The following LAMA3 variants were observed in gnomAD, a reference collection of about 807,000 sequenced individuals.
The protein encoded by LAMA3 is laminin subunit alpha-3.
A neutral mutation model predicts 402.0 loss-of-function variants in LAMA3; 281 were observed. That is an observed-to-expected ratio of 0.70 (90% CI 0.63 to 0.77). LAMA3 has a LOEUF of 0.77. Ranked by LOEUF, LAMA3 falls within the 30% of genes least tolerant of loss-of-function variation. LAMA3 has a pLI of 0.00. For synonymous variants in LAMA3, 1,431 were observed against 1,558.4 expected (o/e 0.92, Z 1.93); for missense variants, 3,840 against 4,215.5 (o/e 0.91, Z 2.47).
chr18:23,834,880 T>C (rs955042157), intron 24 of LAMA3: 2 of 152,224 alleles, frequency 1.3e-5, no homozygotes, highest in Non-Finnish European at 2.9e-5. Flanking sequence ...ATGGAAACTT[T>C]TATGAGAATC....
intron 29 of LAMA3, among the ~76,000 whole-genome samples, 177 bp downstream of exon 29, chr18:23,842,927 G>C (rs900142367): frequency 6.6e-6 from 1 of 152,136 alleles, no homozygotes; most frequent in Non-Finnish European, 1.5e-5. Flanking sequence ...TAAAGCATGT[G>C]ACAATTAAAG....
At chr18:23,845,674 A>G (rs1428599857) in intron 30 of LAMA3, among the ~76,000 whole-genome samples, 1 of 152,214 alleles carries the variant, frequency 6.6e-6, no homozygotes, top group Non-Finnish European at 1.5e-5. Flanking sequence ...CAGGTACTCC[A>G]GAAGCTCTGG....
intron 1 of LAMA3, among the ~76,000 whole-genome samples, chr18:23,703,659 G>A (rs78109799): frequency 7.1e-4 from 106 of 149,848 alleles, no homozygotes; most frequent in African/African-American, 2.5e-3. Context: ...AAAAAAAAAG[G>A]TGTGTGTGTG....
In LAMA3 at chr18:23,763,506, G is replaced by T. The variant is rs1326003367; in HGVS notation, c.1165G>T (p.Val389Phe). ...CCAGGGCATCTATGCTGGTGGAGGGGTCTGCATTAACTGTCAGGTGAGGCA... is the reference window on the plus strand; with the variant it reads ...CCAGGGCATCTATGCTGGTGGAGGGTTCTGCATTAACTGTCAGGTGAGGCA... ...NTQGIYAGGG[V>F]CINCQHNTAG... Residue 389 changes from valine to phenylalanine, a missense_variant, in exon 8 of 75, where the codon GTC becomes TTC. Val to Phe is a conservative substitution (Grantham distance 50, BLOSUM62 -1). Around this residue, in one of 3 missense-constraint regions of LAMA3, gnomAD observed 2,109 missense variants for 2,376.0 expected, o/e 0.89. Transcript: ENST00000313654. 6.2e-7 allele frequency: 1 copy of T among 1,604,764 alleles called. No homozygotes were observed. Among genetic ancestry groups the T allele is most frequent in the Admixed American group, 1.7e-5 (1 of 59,992 alleles).
rs549784872 is a variant in LAMA3, at chr18:23,829,325, T to C, written c.2823+1858T>C. ...TCATCTCTGATTATTTTGTTACCTG[T>C]CTTTCTTAATATTCAATTTATGTGT... is the stretch of plus-strand genomic sequence containing the variant. On this transcript the variant is annotated intron_variant, in intron 23 of 74. Coordinates refer to ENST00000313654, the MANE Select transcript of LAMA3 (RefSeq NM_198129.4). 1.1e-4 allele frequency among the ~76,000 whole-genome samples: 17 copies of C among 152,344 alleles called. No homozygotes were observed. In the East Asian group the frequency reaches 3.1e-3, roughly 28 times the overall value.
chr18:23,780,335 A>T (rs767567008), intron 11 of LAMA3, among the ~76,000 whole-genome samples: 22 of 139,684 alleles, frequency 1.6e-4, no homozygotes, highest in Non-Finnish European at 2.8e-4. Context: ...GAAAGAAGGA[A>T]GGAAGAAGGA....
chr18:23,854,829 C>CA, intron 32 of LAMA3, among the ~76,000 whole-genome samples: 1 of 150,600 alleles, frequency 6.6e-6, no homozygotes, highest in East Asian at 2.0e-4. Context: ...TAAAAAAATA[C>CA]AAAAAATTAG....
At chr18:23,716,272 G>A (rs187789245) in intron 2 of LAMA3, among the ~76,000 whole-genome samples, 310 of 151,972 alleles carry the variant, frequency 2.0e-3, no homozygotes, top group Middle Eastern at 6.8e-3. Flanking sequence ...ATTCTGGTGC[G>A]TCAGCCTCCC....
intron 6 of LAMA3, among the ~76,000 whole-genome samples, chr18:23,755,042 C>G (rs1221398408): frequency 6.6e-6 from 1 of 152,190 alleles, no homozygotes; most frequent in Non-Finnish European, 1.5e-5. Flanking sequence ...AGCTTACGCA[C>G]AAAATGATTA....
chr18:23,921,623 G>A, intron 62 of LAMA3, 38 bp downstream of exon 62: 1 of 1,609,288 alleles, frequency 6.2e-7, no homozygotes. Context: ...TAAAGCCTTT[G>A]TTAGTGGTTA....
At chr18:23,856,904 C>T (rs529347079) in intron 32 of LAMA3, among the ~76,000 whole-genome samples, 3 of 152,322 alleles carry the variant, frequency 2.0e-5, no homozygotes, top group Admixed American at 2.0e-4. Flanking sequence ...CCCCCAGTCT[C>T]TCTCCTGACT....
intron 2 of LAMA3, among the ~76,000 whole-genome samples, chr18:23,729,746 C>T (rs991038737): frequency 7.9e-5 from 12 of 152,228 alleles, no homozygotes; most frequent in African/African-American, 2.2e-4. Flanking sequence ...TGGGTCCCCA[C>T]GTTCTAGAAG....
At chr18:23,847,362 T>C in intron 31 of LAMA3, 102 bp from the exon 32 acceptor site, 1 of 1,231,280 alleles carries the variant, frequency 8.1e-7, no homozygotes, top group Non-Finnish European at 1.2e-6. Flanking sequence ...TATTTCTCTC[T>C]GACCCTTTGG....
intron 2 of LAMA3, among the ~76,000 whole-genome samples, chr18:23,724,489 C>T (rs1486732560): frequency 6.6e-6 from 1 of 151,728 alleles, no homozygotes; most frequent in East Asian, 1.9e-4. Context: ...TCACCCCCTG[C>T]CACCCCGTCC....
chr18:23,884,212 C>T (rs902934536), intron 40 of LAMA3, among the ~76,000 whole-genome samples: 2 of 151,912 alleles, frequency 1.3e-5, no homozygotes, highest in African/African-American at 4.8e-5. Context: ...AATTCCACAA[C>T]TTGGTTTGAA....
intron 30 of LAMA3, 46 bp downstream of exon 30, chr18:23,845,170 C>CA (rs1268618833): frequency 3.6e-6 from 4 of 1,124,544 alleles, no homozygotes; most frequent in South Asian, 2.5e-5. Context: ...GAGGCACTCC[C>CA]ACATTCCTGA....
At chr18:23,705,076 T>G (rs2060861140) in intron 1 of LAMA3, among the ~76,000 whole-genome samples, 1 of 152,206 alleles carries the variant, frequency 6.6e-6, no homozygotes. Flanking sequence ...AATAGGCTAA[T>G]AATATAATAG....
rs761137774 is a variant in LAMA3, at chr18:23,907,603, C to G, written c.6772C>G (p.Gln2258Glu). ...GCAAACCCTGAATATTGTGACAGTT[C>G]AGAAAGAAGTGATAGACACCAATCT... ...LQQTLNIVTVQKEVIDTNLTT... is the reference protein window; with the variant it reads ...LQQTLNIVTVEKEVIDTNLTT... Residue 2258 changes from glutamine (Q) to glutamate (E), a missense_variant, in exon 53 of 75, where the codon CAG becomes GAG. Physicochemically the swap from Gln to Glu is conservative, Grantham distance 29. Around this residue, in one of 3 missense-constraint regions of LAMA3, gnomAD observed 891 missense variants for 857.5 expected, o/e 1.04. Coordinates refer to ENST00000313654, the MANE Select transcript of LAMA3 (RefSeq NM_198129.4). The G allele has an allele frequency of 3.1e-6, 5 of 1,613,990 alleles. No individual in the cohort carries two copies. The highest frequency in any genetic ancestry group is 4.2e-6 in the Non-Finnish European group (5 of 1,179,954).
At chr18:23,714,676 C>T (rs901813732) in intron 2 of LAMA3, among the ~76,000 whole-genome samples, 5 of 152,148 alleles carry the variant, frequency 3.3e-5, no homozygotes, top group African/African-American at 1.2e-4. Flanking sequence ...AGAGACACAA[C>T]ATAAAATTTG....
Sources: gnomAD v4.1 joint callset for allele counts (sites outside exome capture counted in the v4.1 genomes callset) on GRCh38, gnomAD v4.1.1 for gene constraint, gnomAD v4.1.1 regional missense constraint, MANE v1.5 for transcripts, NCBI Gene and HGNC (gene_info 2026-07-23, HGNC 2026-07-21) for gene names.